The following DSCAM variants were observed in gnomAD, a reference collection of about 807,000 sequenced individuals.
DSCAM encodes cell adhesion molecule DSCAM.
DSCAM carries 47 observed loss-of-function variants against 217.7 expected under a neutral mutation model. The observed-to-expected ratio is 0.22, with a 90% CI of 0.17 to 0.28. The LOEUF is 0.28. Among genes scored for constraint, DSCAM ranks in the 10% least tolerant of loss-of-function variants. The pLI is 1.00. For synonymous variants in DSCAM, 1,056 were observed against 1,015.3 expected, an observed-to-expected ratio of 1.04 and a Z score of -0.76; for missense variants, 2,080 against 2,618.3, an observed-to-expected ratio of 0.79 and a Z score of 4.49.
chr21:40,353,250 A>G (rs1285663749), intron 5 of DSCAM, among the ~76,000 whole-genome samples: 1 of 152,200 alleles, frequency 6.6e-6, no homozygotes, highest in African/African-American at 2.4e-5. Context: ...AAGATTTCAA[A>G]TCAAATCCGA....
intron 3 of DSCAM, among the ~76,000 whole-genome samples, chr21:40,447,067 A>G (rs544172530): frequency 8.5e-5 from 13 of 152,234 alleles, no homozygotes; most frequent in Non-Finnish European, 1.3e-4. Flanking sequence ...TCTGGCAGAG[A>G]TGGTGTGGGA....
intron 1 of DSCAM, among the ~76,000 whole-genome samples, chr21:40,746,195 C>T (rs1479446737): frequency 6.6e-6 from 1 of 151,446 alleles, no homozygotes; most frequent in Non-Finnish European, 1.5e-5. Context: ...AGTAGTAAAG[C>T]CCCACCTAAC....
intron 3 of DSCAM, among the ~76,000 whole-genome samples, chr21:40,407,411 T>G (rs2075288474): frequency 6.6e-6 from 1 of 152,220 alleles, no homozygotes; most frequent in Non-Finnish European, 1.5e-5. Context: ...TAGGGACTCT[T>G]CCTGCCCCTT....
At chr21:40,314,630 G>T (rs570303836) in intron 8 of DSCAM, among the ~76,000 whole-genome samples, 2 of 152,262 alleles carry the variant, frequency 1.3e-5, no homozygotes, top group South Asian at 4.2e-4. Flanking sequence ...AAATTGCTAT[G>T]CTTTATTAAA....
intron 5 of DSCAM, among the ~76,000 whole-genome samples, chr21:40,349,661 T>C (rs1256777281): frequency 1.3e-5 from 2 of 152,202 alleles, no homozygotes; most frequent in South Asian, 4.1e-4. Context: ...AAAATAGTTA[T>C]TGAGAGCGCT....
chr21:40,494,824 GTTT>G (rs35078874), intron 3 of DSCAM, among the ~76,000 whole-genome samples: 1 of 142,158 alleles, frequency 7.0e-6, no homozygotes, highest in Non-Finnish European at 1.5e-5. Flanking sequence ...CTAAAGTTGG[GTTT>G]TTTTTTTTCA....
chr21:40,552,574 T>C (rs2076639265), intron 3 of DSCAM, among the ~76,000 whole-genome samples: 1 of 152,246 alleles, frequency 6.6e-6, no homozygotes, highest in African/African-American at 2.4e-5. Flanking sequence ...AATGTTTCTA[T>C]CTTCTTCACC....
At chr21:40,696,569 A>G (rs2090597757) in intron 2 of DSCAM, among the ~76,000 whole-genome samples, 1 of 152,198 alleles carries the variant, frequency 6.6e-6, no homozygotes, top group Non-Finnish European at 1.5e-5. Flanking sequence ...TCCAGTGCCC[A>G]AGCAATCCTC....
At chr21:40,351,462 A>C (rs2074630381) in intron 5 of DSCAM, among the ~76,000 whole-genome samples, 1 of 152,248 alleles carries the variant, frequency 6.6e-6, no homozygotes, top group African/African-American at 2.4e-5. Flanking sequence ...ACATTCAGGA[A>C]GGACGCCAAG....
rs886197397 is a variant in DSCAM, at chr21:40,369,388, G to GTGTGTA, written c.509-144_509-143insTACACA. 15 of 330,326 alleles carry GTGTGTA rather than the reference G, an allele frequency of 4.5e-5. No individual in the cohort carries two copies. The East Asian group carries it at 5.7e-4, about 12-fold the overall frequency. The allele number at this position is 330,326 out of a possible 1,614,324, so 20.5% of individuals were successfully genotyped here. A position where few individuals can be genotyped will look rare whatever the true frequency, so the allele number is the denominator to read the frequency against. ...TAAAAATGGGTGCGTGCGTCTGCGT[G>GTGTGTA]TGTGTGTGTGTGTGTGTGTGTGTGT... On this transcript the variant is annotated intron_variant, in intron 3 of 32. Coordinates refer to ENST00000400454, the MANE Select transcript of DSCAM (RefSeq NM_001389.5).
Position 40,508,783 on chromosome 21 carries a change from A to AT in DSCAM, c.509-139539dup, listed in dbSNP as rs1178142732. ...TATATATATATATATATATATATAT[A>AT]TTTTTTTTTTTTTTTTTTTTTTTTT... is the stretch of plus-strand genomic sequence containing the variant. On this transcript the variant is annotated intron_variant, in intron 3 of 32. Coordinates refer to ENST00000400454, the MANE Select transcript of DSCAM (RefSeq NM_001389.5). Among the ~76,000 whole-genome samples the AT allele has an allele frequency of 2.3e-3, 56 of 24,204 alleles. 1 individual carries two copies. Among genetic ancestry groups the AT allele is most frequent in the Admixed American group, 6.2e-3 (8 of 1,298 alleles). The allele number at this position is 24,204 out of a possible 152,430, so 15.9% of individuals were successfully genotyped here.
intron 3 of DSCAM, among the ~76,000 whole-genome samples, chr21:40,617,345 C>T (rs1483292790): frequency 1.3e-5 from 2 of 151,918 alleles, no homozygotes; most frequent in African/African-American, 4.8e-5. Context: ...AGGATGGTCT[C>T]GATCTCCTGA....
At chr21:40,385,904 C>G (rs1327130826) in intron 3 of DSCAM, among the ~76,000 whole-genome samples, 1 of 152,168 alleles carries the variant, frequency 6.6e-6, no homozygotes, top group African/African-American at 2.4e-5. Context: ...AACCGATTCA[C>G]AGCTAGGAAT....
rs117159059 is a variant in DSCAM, at chr21:40,703,380, G to A, written c.361+5074C>T. On this transcript the variant is annotated intron_variant, in intron 2 of 32. Coordinates refer to ENST00000400454, the MANE Select transcript of DSCAM (RefSeq NM_001389.5). ...AAATAAAAATAAAAATCAGCCTGATGTGGCGGCATGCACCTCTGGTCCCAG... is the reference window on the plus strand; with the variant it reads ...AAATAAAAATAAAAATCAGCCTGATATGGCGGCATGCACCTCTGGTCCCAG... 4.0e-3 allele frequency among the ~76,000 whole-genome samples: 605 copies of A among 152,260 alleles called. 15 individuals carry two copies. The East Asian group carries it at 0.068, about 17-fold the overall frequency.
chr21:40,680,261 C>T (rs186385470), intron 3 of DSCAM, among the ~76,000 whole-genome samples: 52 of 152,302 alleles, frequency 3.4e-4, no homozygotes, highest in African/African-American at 1.2e-3. Flanking sequence ...ACACTATCTA[C>T]AGGCTCTATA....
chr21:40,266,635 TTATATATATATATATATATATA>T (rs71186923), intron 11 of DSCAM, among the ~76,000 whole-genome samples: 18 of 62,628 alleles, frequency 2.9e-4, no homozygotes, highest in Non-Finnish European at 4.6e-4. Context: ...CAAAGATGTT[TTATATATATATATATATATATA>T]TATATATATA....
intron 1 of DSCAM, among the ~76,000 whole-genome samples, chr21:40,767,901 T>TCTCC (rs369698221): frequency 1.5e-4 from 23 of 151,782 alleles, no homozygotes; most frequent in African/African-American, 5.3e-4. Flanking sequence ...TCTCTCTCCC[T>TCTCC]GTGTGTGTGT....
intron 11 of DSCAM, among the ~76,000 whole-genome samples, chr21:40,274,678 C>G (rs996514428): frequency 6.6e-6 from 1 of 152,194 alleles, no homozygotes; most frequent in Non-Finnish European, 1.5e-5. Context: ...TTATCAAATT[C>G]TTGCACATCA....
intron 3 of DSCAM, among the ~76,000 whole-genome samples, chr21:40,498,805 A>ATATGGGTGTATATATATATATGGGTGTG (rs2076149573): frequency 9.1e-6 from 1 of 109,606 alleles, no homozygotes; most frequent in Non-Finnish European, 1.8e-5. Flanking sequence ...ATATATATAT[A>ATATGGGTGTATATATATATATGGGTGTG]TATATATATA....
Sources: allele counts gnomAD v4.1 joint callset (sites outside exome capture counted in the v4.1 genomes callset), GRCh38; gene constraint gnomAD v4.1.1; transcripts MANE v1.5; gene names NCBI Gene and HGNC (gene_info 2026-07-23, HGNC 2026-07-21).